Variants in RIPOR2 observed in about 807,000 individuals in gnomAD.
RIPOR2 encodes RHO family interacting cell polarization regulator 2.
Under a neutral mutation model 114.5 loss-of-function variants are expected in RIPOR2, and 39 were observed. The observed-to-expected ratio is 0.34, with a 90% CI of 0.26 to 0.44. RIPOR2 has a LOEUF of 0.44. Ranked by LOEUF, RIPOR2 falls within the 20% of genes least tolerant of loss-of-function variation. The pLI is 1.00. For synonymous variants in RIPOR2, 445 were observed against 484.4 expected (o/e 0.92, Z 1.07); for missense variants, 1,007 against 1,255.1 (o/e 0.80, Z 2.99).
chr6:25,026,496 C>A lies in RIPOR2; in HGVS notation c.76+15355G>T, dbSNP rs1480008092. ...AAGCTCAATATGCAAACAACCAAGA[C>A]ACTAATTAGAAATGCTTCCTGTTTA... On this transcript the variant is annotated intron_variant, in intron 1 of 13. Transcript: ENST00000510784. Among the ~76,000 whole-genome samples the A allele has an allele frequency of 2.0e-5, 3 of 152,194 alleles. No individual in the cohort carries two copies. The East Asian group carries it at 5.8e-4, about 29-fold the overall frequency.
intron 6 of RIPOR2, among the ~76,000 whole-genome samples, chr6:24,866,192 G>A (rs187862754): frequency 1.4e-4 from 22 of 152,090 alleles, no homozygotes; most frequent in South Asian, 6.2e-4. Context: ...ACTCTTTTTC[G>A]TGTAAATTAT....
rs562736547 is a variant in RIPOR2, at chr6:24,955,652, G to A, written c.77-79835C>T. ...GTTTCTTTTCTTCCCCTCTGTTATA[G>A]TTGAAAACCTATCTCTTACTCCGTC... On this transcript the variant is annotated intron_variant, in intron 1 of 13. Transcript: ENST00000510784. 2.0e-5 allele frequency among the ~76,000 whole-genome samples: 3 copies of A among 146,972 alleles called. No homozygotes were observed. In the Admixed American group the frequency reaches 2.1e-4, roughly 10 times the overall value.
intron 21 of RIPOR2, 123 bp downstream of exon 21, chr6:24,809,594 G>C: frequency 1.5e-6 from 1 of 679,028 alleles, no homozygotes; most frequent in Admixed American, 2.3e-5. Flanking sequence ...GCCTACAGCG[G>C]GGAAACTGCT....
intron 1 of RIPOR2, among the ~76,000 whole-genome samples, chr6:24,970,752 T>G (rs1192757036): frequency 2.0e-5 from 3 of 152,198 alleles, no homozygotes; most frequent in African/African-American, 4.8e-5. Context: ...ATGCTGATTT[T>G]CAATAAAAGG....
Position 24,912,013 on chromosome 6 carries a change from G to A in RIPOR2, c.61+23825C>T, listed in dbSNP as rs1308146288. Among the ~76,000 whole-genome samples, 4 of 152,192 alleles carry A rather than the reference G, an allele frequency of 2.6e-5. 1 individual carries two copies. In the South Asian group the frequency reaches 6.2e-4, roughly 24 times the overall value. ...CATCCTAGGAGACATGTCAACATGGGAAACACCCACATCCAGTCGTGGTCT... is the reference window on the plus strand; with the variant it reads ...CATCCTAGGAGACATGTCAACATGGAAAACACCCACATCCAGTCGTGGTCT... On this transcript the variant is annotated intron_variant, in intron 1 of 21. Transcript: ENST00000643898.
intron 1 of RIPOR2, among the ~76,000 whole-genome samples, chr6:24,933,411 C>T (rs1037342378): frequency 2.0e-5 from 3 of 152,150 alleles, no homozygotes; most frequent in South Asian, 4.1e-4. Context: ...AAGCCTAGAC[C>T]GTGCAATTCC....
intron 8 of RIPOR2, among the ~76,000 whole-genome samples, chr6:24,856,925 G>A (rs1264775253): frequency 7.8e-6 from 1 of 128,238 alleles, no homozygotes; most frequent in Non-Finnish European, 1.7e-5. Context: ...AAAATTACCA[G>A]AAATTTTATA....
chr6:24,848,285 G>T, intron 11 of RIPOR2, 131 bp from the exon 12 acceptor site: 1 of 898,388 alleles, frequency 1.1e-6, no homozygotes, highest in Non-Finnish European at 1.6e-6. Context: ...GCTGGTTTTA[G>T]CTAAACTGCT....
At chr6:24,842,788 C>T in intron 13 of RIPOR2, 74 bp downstream of exon 13, 4 of 826,494 alleles carry the variant, frequency 4.8e-6, no homozygotes, top group Admixed American at 3.7e-5. Context: ...TAAATGATAC[C>T]TCATCTTAAA....
At chr6:25,006,195 G>C (rs1021140553) in intron 1 of RIPOR2, among the ~76,000 whole-genome samples, 1 of 152,104 alleles carries the variant, frequency 6.6e-6, no homozygotes, top group African/African-American at 2.4e-5. Context: ...ACCAACACAT[G>C]TTTTTAAAGG....
chr6:24,870,938 G>T (rs748920031), intron 4 of RIPOR2, 49 bp from the exon 5 acceptor site: 4 of 1,280,682 alleles, frequency 3.1e-6, no homozygotes, highest in Non-Finnish European at 4.4e-6. Flanking sequence ...CCTTCAAAAG[G>T]TTACCCATCT....
rs869301317 is a variant in RIPOR2, at chr6:25,015,896, G to GTTTTTTTTTTTTTTTTTTTTTTTTTTTT, written c.76+25927_76+25954dup. 6.5e-5 allele frequency: 3 copies of GTTTTTTTTTTTTTTTTTTTTTTTTTTTT among 45,836 alleles called. 1 individual carries two copies. Among genetic ancestry groups the GTTTTTTTTTTTTTTTTTTTTTTTTTTTT allele is most frequent in the African/African-American group, 2.1e-4 (3 of 14,068 alleles). 2.8% of individuals were successfully genotyped at this position (45,836 alleles called of 1,614,324 possible). A position where few individuals can be genotyped will look rare whatever the true frequency, so the allele number is the denominator to read the frequency against. ...TCCCCTTAAAAACGCAGGTTTTTTG[G>GTTTTTTTTTTTTTTTTTTTTTTTTTTTT]TTTTTTTTTTTTTTTTTTTTTTTTT... On this transcript the variant is annotated intron_variant, in intron 1 of 13. Coordinates refer to the RIPOR2 transcript ENST00000510784.
chr6:24,896,457 C>T (rs111549373), intron 1 of RIPOR2, among the ~76,000 whole-genome samples: 1,653 of 152,242 alleles, frequency 0.011, 15 homozygotes, highest in Non-Finnish European at 0.016. Context: ...AAAAAAACTT[C>T]AAAGGAGGTT....
At chr6:25,032,313 G>A (rs768271468) in intron 1 of RIPOR2, among the ~76,000 whole-genome samples, 2 of 151,904 alleles carry the variant, frequency 1.3e-5, no homozygotes, top group African/African-American at 2.4e-5. Flanking sequence ...CTCAGACTCC[G>A]TTTTTCTTGA....
chr6:25,005,737 A>ATATATATATATATATATG (rs1554130548), intron 1 of RIPOR2, among the ~76,000 whole-genome samples: 1 of 120,138 alleles, frequency 8.3e-6, no homozygotes. Flanking sequence ...ATATATATAT[A>ATATATATATATATATATG]TATACATTTA....
At chr6:25,007,825 A>G (rs1048425762) in intron 1 of RIPOR2, among the ~76,000 whole-genome samples, 3 of 152,116 alleles carry the variant, frequency 2.0e-5, no homozygotes, top group South Asian at 4.2e-4. Flanking sequence ...ACATTTCTAC[A>G]TTGATATCCG....
chr6:25,033,513 T>C (rs1777099494), intron 1 of RIPOR2, among the ~76,000 whole-genome samples: 1 of 152,220 alleles, frequency 6.6e-6, no homozygotes, highest in Non-Finnish European at 1.5e-5. Flanking sequence ...GAGTGATATT[T>C]AAAAACCAAC....
At chr6:24,946,640 G>A (rs73382348) in intron 1 of RIPOR2, among the ~76,000 whole-genome samples, 7,694 of 151,770 alleles carry the variant, frequency 0.051, 332 homozygotes, top group African/African-American at 0.11. Flanking sequence ...AGCAGAGTAG[G>A]ACTACAGCAG....
chr6:24,965,478 AC>A (rs1174263858), intron 1 of RIPOR2, among the ~76,000 whole-genome samples: 8 of 152,194 alleles, frequency 5.3e-5, no homozygotes. Flanking sequence ...TTCCAGAAGT[AC>A]TACTTCATTC....
Sources: gnomAD v4.1 joint callset for allele counts (sites outside exome capture counted in the v4.1 genomes callset) on GRCh38, gnomAD v4.1.1 for gene constraint, MANE v1.5 for transcripts, NCBI Gene and HGNC (gene_info 2026-07-23, HGNC 2026-07-21) for gene names.